CNTN5: variants seen among roughly 807,000 people sequenced by gnomAD.
The protein encoded by CNTN5 is contactin 5, also known as contactin-5.
A neutral mutation model predicts 129.1 loss-of-function variants in CNTN5; 77 were observed. That is an observed-to-expected ratio of 0.60 (90% CI 0.50 to 0.72). The LOEUF is 0.72. Ranked by LOEUF, CNTN5 falls within the 30% of genes least tolerant of loss-of-function variation. The pLI is 0.00. For synonymous variants in CNTN5, 509 were observed against 465.6 expected, an observed-to-expected ratio of 1.09 and a Z score of -1.20; for missense variants, 1,478 against 1,328.8, an observed-to-expected ratio of 1.11 and a Z score of -1.75.
At chr11:99,366,367 C>T (rs1939446529) in intron 2 of CNTN5, among the ~76,000 whole-genome samples, 1 of 152,074 alleles carries the variant, frequency 6.6e-6, no homozygotes, top group Non-Finnish European at 1.5e-5. Flanking sequence ...ACAGGAAATG[C>T]TTTATTTTAA....
At chr11:99,704,481 T>C (rs372946287) in intron 3 of CNTN5, among the ~76,000 whole-genome samples, 1 of 151,174 alleles carries the variant, frequency 6.6e-6, no homozygotes, top group Non-Finnish European at 1.5e-5. Context: ...AGCTATGTTT[T>C]GGTCTGCAAG....
At chr11:100,017,463 T>C (rs918082243) in intron 9 of CNTN5, among the ~76,000 whole-genome samples, 1 of 151,996 alleles carries the variant, frequency 6.6e-6, no homozygotes, top group African/African-American at 2.4e-5. Flanking sequence ...GTGGTGTGTC[T>C]TAAAGTAGTG....
At chr11:99,260,874 A>G (rs1044016392) in intron 1 of CNTN5, among the ~76,000 whole-genome samples, 2 of 151,936 alleles carry the variant, frequency 1.3e-5, no homozygotes, top group Non-Finnish European at 2.9e-5. Flanking sequence ...AATGCTATGT[A>G]TGTATAACAT....
intron 9 of CNTN5, among the ~76,000 whole-genome samples, chr11:100,020,561 T>A (rs989075481): frequency 7.2e-5 from 11 of 152,216 alleles, no homozygotes; most frequent in African/African-American, 2.6e-4. Flanking sequence ...GATCAGGAAG[T>A]ATAATGCACC....
At chr11:99,048,817 C>A (rs1282570344) in intron 1 of CNTN5, among the ~76,000 whole-genome samples, 1 of 152,088 alleles carries the variant, frequency 6.6e-6, no homozygotes, top group African/African-American at 2.4e-5. Flanking sequence ...ATCTTAAGCC[C>A]ACATCTTAGG....
intron 13 of CNTN5, among the ~76,000 whole-genome samples, chr11:100,082,444 T>C (rs1278895281): frequency 2.6e-5 from 4 of 152,022 alleles, no homozygotes; most frequent in African/African-American, 9.7e-5. Context: ...GTCACCACCA[T>C]GCCTGGAAAA....
intron 9 of CNTN5, among the ~76,000 whole-genome samples, chr11:100,049,793 C>T (rs1369448108): frequency 6.6e-6 from 1 of 152,076 alleles, no homozygotes; most frequent in Non-Finnish European, 1.5e-5. Context: ...ATACAAACAA[C>T]CCCATCAAAA....
intron 1 of CNTN5, among the ~76,000 whole-genome samples, chr11:99,102,383 A>C (rs912557498): frequency 3.3e-5 from 5 of 152,152 alleles, no homozygotes; most frequent in Admixed American, 2.0e-4. Context: ...TTCTCTTATA[A>C]AATGGGTTTT....
chr11:99,393,233 G>T (rs1941355069), intron 2 of CNTN5, among the ~76,000 whole-genome samples: 1 of 151,714 alleles, frequency 6.6e-6, no homozygotes, highest in Non-Finnish European at 1.5e-5. Context: ...CAGGTTACAG[G>T]AAGACATAAG....
chr11:100,175,332 G>A (rs113662357), intron 13 of CNTN5, among the ~76,000 whole-genome samples: 4,689 of 152,106 alleles, frequency 0.031, 240 homozygotes, highest in African/African-American at 0.11. Flanking sequence ...CTTTGTAAGT[G>A]TTAAGATAAG....
intron 3 of CNTN5, among the ~76,000 whole-genome samples, chr11:99,645,258 TCAA>T (rs201159352): frequency 0.031 from 2,065 of 67,594 alleles, 392 homozygotes; most frequent in Middle Eastern, 0.065. Flanking sequence ...AGGCTCCATC[TCAA>T]CAAAAAAAAA....
In CNTN5 at chr11:100,047,198, G is replaced by C. The variant is rs370434217; in HGVS notation, c.981-14014G>C. Among the ~76,000 whole-genome samples the C allele has an allele frequency of 3.4e-4, 51 of 152,110 alleles. 1 individual carries two copies. The highest frequency in any genetic ancestry group is 1.2e-3 in the East Asian group (6 of 5,196). On this transcript the variant is annotated intron_variant, in intron 9 of 24. Coordinates refer to ENST00000524871, the MANE Select transcript of CNTN5 (RefSeq NM_014361.4). ...AAACCTGAAAACCAACAAAGAGCCA[G>C]ATATTGAACTGGGTTGGGAAATCTT...
At chr11:99,824,548 T>C (rs1946895267) in intron 4 of CNTN5, among the ~76,000 whole-genome samples, 1 of 152,030 alleles carries the variant, frequency 6.6e-6, no homozygotes, top group Admixed American at 6.6e-5. Flanking sequence ...ACTTAACTTT[T>C]TACTTTGTCA....
rs369779634 is a variant in CNTN5, at chr11:100,356,245, G to C, written c.*25G>C. The C allele has an allele frequency of 6.7e-7, 1 of 1,492,178 alleles. No individual in the cohort carries two copies. The highest frequency in any genetic ancestry group is 9.3e-7 in the Non-Finnish European group (1 of 1,079,380). 92.4% of individuals were successfully genotyped at this position (1,492,178 alleles called of 1,614,324 possible). On this transcript the variant is annotated 3_prime_UTR_variant, in exon 25 of 25. Coordinates refer to ENST00000524871, the MANE Select transcript of CNTN5 (RefSeq NM_014361.4). The stretch of plus-strand genomic sequence containing the variant: ...AAAACTGCTGACTTAATTTGCTTTT[G>C]TTTGCTTTAGCTTGGTAACAGCGGT...
At chr11:99,361,553 G>T (rs4306271) in intron 2 of CNTN5, among the ~76,000 whole-genome samples, 1 of 151,830 alleles carries the variant, frequency 6.6e-6, no homozygotes, top group Non-Finnish European at 1.5e-5. Context: ...GCATTAGTTT[G>T]CTCATAATGT....
chr11:99,833,182 A>G (rs1327121669), intron 4 of CNTN5, among the ~76,000 whole-genome samples: 2 of 152,186 alleles, frequency 1.3e-5, no homozygotes, highest in Non-Finnish European at 2.9e-5. Flanking sequence ...AGGAAGTTAT[A>G]AAGTTAGTAT....
chr11:99,100,308 C>T (rs1866662727), intron 1 of CNTN5, among the ~76,000 whole-genome samples: 1 of 151,916 alleles, frequency 6.6e-6, no homozygotes, highest in Non-Finnish European at 1.5e-5. Flanking sequence ...AAGCAAATTC[C>T]AGAGAGGTAG....
intron 2 of CNTN5, among the ~76,000 whole-genome samples, chr11:99,337,317 G>A (rs1020089758): frequency 2.0e-5 from 3 of 152,118 alleles, no homozygotes; most frequent in Admixed American, 6.6e-5. Flanking sequence ...GAAAGATAGA[G>A]GTGTGAAGTG....
chr11:99,743,784 T>C (rs1046921829), intron 3 of CNTN5, among the ~76,000 whole-genome samples: 5 of 152,154 alleles, frequency 3.3e-5, no homozygotes, highest in Admixed American at 1.3e-4. Flanking sequence ...GGCAAGTCAT[T>C]TCAATAGCTC....
Sources: gnomAD v4.1 joint callset for allele counts (sites outside exome capture counted in the v4.1 genomes callset) on GRCh38, gnomAD v4.1.1 for gene constraint, MANE v1.5 for transcripts, NCBI Gene and HGNC (gene_info 2026-07-23, HGNC 2026-07-21) for gene names.